GNAI2: variants seen among roughly 807,000 people sequenced by gnomAD.
GNAI2 encodes G protein subunit alpha i2.
GNAI2 carries 4 observed loss-of-function variants against 36.8 expected under a neutral mutation model. The ratio of observed to expected loss-of-function variants is 0.11; its 90% CI spans 0.05 to 0.25. The LOEUF (loss-of-function observed/expected upper bound fraction) is 0.25. Among genes scored for constraint, GNAI2 ranks in the 10% least tolerant of loss-of-function variants. The probability of loss-of-function intolerance (pLI) is 1.00; values close to 1 mark genes in which losing one functional copy is unlikely to be tolerated. For synonymous variants in GNAI2, 194 were observed against 194.1 expected, an observed-to-expected ratio of 1.00 and a Z score of 0.01; for missense variants, 230 against 481.3, an observed-to-expected ratio of 0.48 and a Z score of 4.89.
chr3:50,251,431 G>C, intron 1 of GNAI2: 1 of 1,051,196 alleles, frequency 9.5e-7, no homozygotes, highest in Non-Finnish European at 1.2e-6. Context: ...GTGTGGGTGT[G>C]GGTGTGTGAG....
chr3:50,246,098 G>T (rs1553701736), intron 1 of GNAI2, among the ~76,000 whole-genome samples: 2 of 152,212 alleles, frequency 1.3e-5, no homozygotes, highest in African/African-American at 4.8e-5. Context: ...AATGAGGGGG[G>T]CCGGGGAGCA....
At chr3:50,257,175 C>A in intron 7 of GNAI2, 85 bp downstream of exon 7, 1 of 1,164,224 alleles carries the variant, frequency 8.6e-7, no homozygotes, top group Non-Finnish European at 1.3e-6. Context: ...CTCAGGCGCC[C>A]CCCACTGGAC....
chr3:50,256,487 G>A (rs1450752857), intron 5 of GNAI2, 167 bp downstream of exon 5: 6 of 718,996 alleles, frequency 8.3e-6, no homozygotes, highest in East Asian at 2.6e-5. Flanking sequence ...CAGGATCCAC[G>A]CCACCTCTGC....
At position 50,252,249 on chromosome 3, in the gene GNAI2, A is replaced by G. The variant is rs782187384; in HGVS notation, c.161+107A>G. ...GGCCCAGCCAGTCTTAGCCAGGCCCAGAATCTTCTGAGAAGCAGAAGGACC... is the reference window on the plus strand; with the variant it reads ...GGCCCAGCCAGTCTTAGCCAGGCCCGGAATCTTCTGAGAAGCAGAAGGACC... On this transcript the variant is annotated intron_variant, in intron 2 of 8. Transcript: ENST00000313601. The surrounding 1 kb of genome is among the most constrained non-coding windows in gnomAD (Gnocchi z 4.1). 6.4e-5 allele frequency: 91 copies of G among 1,425,470 alleles called. No homozygotes were observed. The highest frequency in any genetic ancestry group is 8.3e-5 in the Non-Finnish European group (84 of 1,015,888). 88.3% of individuals were successfully genotyped at this position (1,425,470 alleles called of 1,614,324 possible). A position where few individuals can be genotyped will look rare whatever the true frequency, so the allele number is the denominator to read the frequency against.
intron 1 of GNAI2, among the ~76,000 whole-genome samples, chr3:50,240,930 A>AAAAAAAG (rs1559767213): frequency 2.4e-5 from 3 of 122,666 alleles, no homozygotes; most frequent in African/African-American, 1.0e-4. Flanking sequence ...AAAAAAAAAA[A>AAAAAAAG]AAAAAAGAAA....
In GNAI2 at chr3:50,256,292, C is replaced by T; in HGVS notation, c.565C>T (p.His189Tyr). 6.2e-7 allele frequency: 1 copy of T among 1,613,638 alleles called. No homozygotes were observed. The highest frequency in any genetic ancestry group is 1.3e-5 in the African/African-American group (1 of 74,922). The change falls in exon 5 of 9, where the codon CAC becomes TAC. Residue 189 changes from histidine (H) to tyrosine (Y), a missense_variant. His to Tyr is a moderately conservative substitution (Grantham distance 83). Coordinates refer to ENST00000313601, the MANE Select transcript of GNAI2 (RefSeq NM_002070.4). ...RVKTTGIVETHFTFKDLHFKM... is the reference protein window; with the variant it reads ...RVKTTGIVETYFTFKDLHFKM... ...AAAGACCACGGGGATCGTGGAGACA[C>T]ACTTCACCTTCAAGGACCTACACTT...
At chr3:50,231,166 G>A (rs1279427401) in intron 1 of GNAI2, among the ~76,000 whole-genome samples, 9 of 152,178 alleles carry the variant, frequency 5.9e-5, no homozygotes, top group African/African-American at 2.2e-4. Flanking sequence ...CTCAAAGAAA[G>A]CTTCCTGACC....
At chr3:50,256,665 G>A (rs1700710767) in intron 5 of GNAI2, 58 bp from the exon 6 acceptor site, 1 of 1,590,420 alleles carries the variant, frequency 6.3e-7, no homozygotes, top group South Asian at 1.1e-5. Context: ...CCTGAGAAAT[G>A]GGGTAGAAAG....
At chr3:50,248,694 G>A (rs1700476868) in intron 1 of GNAI2, among the ~76,000 whole-genome samples, 1 of 152,194 alleles carries the variant, frequency 6.6e-6, no homozygotes, top group Non-Finnish European at 1.5e-5. Context: ...TCTAGGGATA[G>A]GGGCTCCATG....
In GNAI2 at chr3:50,252,030, T is replaced by C; in HGVS notation, c.119-70T>C. 1 of 1,453,822 alleles carries C rather than the reference T, an allele frequency of 6.9e-7. No individual in the cohort carries two copies. The highest frequency in any genetic ancestry group is 9.6e-7 in the Non-Finnish European group (1 of 1,038,394). The allele number at this position is 1,453,822 out of a possible 1,614,324, so 90.1% of individuals were successfully genotyped here. A position where few individuals can be genotyped will look rare whatever the true frequency, so the allele number is the denominator to read the frequency against. On this transcript the variant is annotated intron_variant, in intron 1 of 8. Transcript: ENST00000313601. The surrounding 1 kb of genome is among the most constrained non-coding windows in gnomAD (Gnocchi z 4.1). ...TTCTGCCTCCTGGGCTACAGGTGTC[T>C]GGGCATTTGTTCTGTGCCTGTGGAG... is the stretch of plus-strand genomic sequence containing the variant.
upstream of GNAI2, chr3:50,230,696 C>A: frequency 2.0e-6 from 1 of 489,934 alleles, no homozygotes; most frequent in Non-Finnish European, 2.7e-6. Flanking sequence ...GAACCAGCAG[C>A]TGCCACTTCT....
chr3:50,251,344 A>C, intron 1 of GNAI2: 1 of 993,714 alleles, frequency 1.0e-6, no homozygotes, highest in Non-Finnish European at 1.2e-6. Context: ...GAATGCAGCA[A>C]ATCTCAGTAC....
chr3:50,256,434 T>C, intron 5 of GNAI2, 114 bp downstream of exon 5: 1 of 1,010,518 alleles, frequency 9.9e-7, no homozygotes. Flanking sequence ...AAGGCTCATG[T>C]GTTCTGGGCA....
In GNAI2 at chr3:50,251,858, G is replaced by A. The variant is rs1355546888; in HGVS notation, c.119-242G>A. On this transcript the variant is annotated intron_variant, in intron 1 of 8. Transcript: ENST00000313601. ...TGGTGGGCAGCAGAGCTTGTGGGAGGCAAAGGCCTGCAGAGAGTCTGCCAT... is the reference window on the plus strand; with the variant it reads ...TGGTGGGCAGCAGAGCTTGTGGGAGACAAAGGCCTGCAGAGAGTCTGCCAT... The A allele has an allele frequency of 1.1e-5, 13 of 1,157,642 alleles. No individual in the cohort carries two copies. The Admixed American group carries it at 2.2e-4, about 19-fold the overall frequency. 71.7% of individuals were successfully genotyped at this position (1,157,642 alleles called of 1,614,324 possible).
rs781949889 is a variant in GNAI2, at chr3:50,241,744, A to G, written c.118+5291A>G. ...TCCATGTCAGAAGCCCTGAGGCAGC[A>G]TCACACCACCCACTATGTGTCAGAG... is the stretch of plus-strand genomic sequence containing the variant. On this transcript the variant is annotated intron_variant, in intron 1 of 8. Coordinates refer to ENST00000313601, the MANE Select transcript of GNAI2 (RefSeq NM_002070.4). The surrounding 1 kb of genome is among the most constrained non-coding windows in gnomAD (Gnocchi z 5.0). 2.6e-5 allele frequency among the ~76,000 whole-genome samples: 4 copies of G among 152,220 alleles called. No homozygotes were observed. The highest frequency in any genetic ancestry group is 5.9e-5 in the Non-Finnish European group (4 of 68,028).
upstream of GNAI2, chr3:50,227,436 G>C (rs1699995389): frequency 2.9e-6 from 1 of 345,780 alleles, no homozygotes; most frequent in African/African-American, 2.1e-5. The surrounding 1 kb of genome is among the most constrained non-coding windows in gnomAD (Gnocchi z 5.9). Context: ...GCCGCGAGGC[G>C]GGGGCTGGGG....
rs1559776051 is a variant in GNAI2 at position 50,255,108 on chromosome 3, G to A, written c.465-1084G>A. 6.6e-6 allele frequency among the ~76,000 whole-genome samples: 1 copy of A among 152,264 alleles called. No homozygotes were observed. Among genetic ancestry groups the A allele is most frequent in the East Asian group, 1.9e-4 (1 of 5,178 alleles). ...ATGGCCCTTCCTGTTTTTCTGTTTT[G>A]TCCCTGCTACTCTGAGATCATTTCC... is the stretch of plus-strand genomic sequence containing the variant. On this transcript the variant is annotated intron_variant, in intron 4 of 8. Coordinates refer to ENST00000313601, the MANE Select transcript of GNAI2 (RefSeq NM_002070.4). The surrounding 1 kb of genome is among the most constrained non-coding windows in gnomAD (Gnocchi z 4.0).
chr3:50,228,667 G>C (rs1395333800), upstream of GNAI2, among the ~76,000 whole-genome samples: 1 of 152,144 alleles, frequency 6.6e-6, no homozygotes, highest in African/African-American at 2.4e-5. Flanking sequence ...GGGATGATCT[G>C]GCCCCTGCTG....
upstream of GNAI2, among the ~76,000 whole-genome samples, chr3:50,232,859 T>G (rs1575434848): frequency 7.5e-6 from 1 of 133,304 alleles, no homozygotes; most frequent in Admixed American, 7.6e-5. Context: ...CATATAGGGG[T>G]AGGGGAGGGG....
Sources: allele counts gnomAD v4.1 joint callset (sites outside exome capture counted in the v4.1 genomes callset), GRCh38; gene constraint gnomAD v4.1.1; non-coding constraint Gnocchi (gnomAD v3.1); transcripts MANE v1.5; gene names NCBI Gene and HGNC (gene_info 2026-07-23, HGNC 2026-07-21).